Variants in CD101 observed in about 807,000 individuals in gnomAD.
The protein encoded by CD101 is immunoglobulin superfamily member 2.
Under a neutral mutation model 98.2 loss-of-function variants are expected in CD101, and 76 were observed. That is an observed-to-expected ratio of 0.77 (90% CI 0.64 to 0.94). CD101 has a LOEUF of 0.94. CD101 is among the 40% of genes least tolerant of loss of function. The pLI is 0.00. For synonymous variants in CD101, 471 were observed against 472.7 expected, an observed-to-expected ratio of 1.00 and a Z score of 0.05; for missense variants, 1,145 against 1,218.8, an observed-to-expected ratio of 0.94 and a Z score of 0.90.
rs199535778 is a variant in CD101, at chr1:117,030,407, G to C, written c.2825-3453G>C. On this transcript the variant is annotated intron_variant, in intron 8 of 9. Transcript: ENST00000682167. ...ACAAACAAACAAACAAACAAACAAAGAGAGAGAGAGAGAAAGAGACAGAGA... is the reference window on the plus strand; with the variant it reads ...ACAAACAAACAAACAAACAAACAAACAGAGAGAGAGAGAAAGAGACAGAGA... Among the ~76,000 whole-genome samples, 622 of 125,252 alleles carry C rather than the reference G, an allele frequency of 5.0e-3. 5 individuals are homozygous for C. The highest frequency in any genetic ancestry group is 0.017 in the African/African-American group (559 of 33,036). 82.2% of individuals were successfully genotyped at this position (125,252 alleles called of 152,430 possible).
rs1653450494 is a variant in CD101, at chr1:117,019,667, C to T, written c.2017+1107C>T. Among the ~76,000 whole-genome samples the T allele has an allele frequency of 6.6e-6, 1 of 152,202 alleles. No homozygotes were observed. Among genetic ancestry groups the T allele is most frequent in the Admixed American group, 6.5e-5 (1 of 15,280 alleles). On this transcript the variant is annotated intron_variant, in intron 6 of 9. Coordinates refer to ENST00000682167, the MANE Select transcript of CD101 (RefSeq NM_001256106.3). This position sits in a 1 kb window ranked among gnomAD's most constrained non-coding sequence, Gnocchi z 4.3. ...CCCATGGATACAAGCTGTATGTTCA[C>T]AACTCCCACATTCATTATCTTGACC... is the stretch of plus-strand genomic sequence containing the variant.
chr1:117,032,546 C>T (rs1654526640), intron 8 of CD101: 1 of 152,246 alleles, frequency 6.6e-6, no homozygotes, highest in Non-Finnish European at 1.5e-5. Context: ...AAACCTCTTT[C>T]ATCTCTAAGC....
intron 8 of CD101, among the ~76,000 whole-genome samples, chr1:117,030,449 GAAAGA>G (rs1654382440): frequency 6.6e-6 from 1 of 150,432 alleles, no homozygotes; most frequent in Non-Finnish European, 1.5e-5. Context: ...GAAAGAGAAA[GAAAGA>G]AAAGAAAGAA....
In CD101 at chr1:117,017,397, A is replaced by C. The variant is rs1186023609; in HGVS notation, c.1536A>C (p.Arg512Ser). ...CAGACAGTGGCACATATGAGTGCAGAGTATCTGAGAAGTCTCGGAACCAGG... is the reference window on the plus strand; with the variant it reads ...CAGACAGTGGCACATATGAGTGCAGCGTATCTGAGAAGTCTCGGAACCAGG... ...AITDSGTYECRVSEKSRNQAR... is the reference protein window; with the variant it reads ...AITDSGTYECSVSEKSRNQAR... The change falls in exon 5 of 10, where the codon AGA (arginine) becomes AGC (serine). Residue 512 changes from arginine to serine, a missense_variant. By Grantham distance (110) the Arg-to-Ser change is moderately radical (BLOSUM62 -1). Coordinates refer to ENST00000682167, the MANE Select transcript of CD101 (RefSeq NM_001256106.3). 6.2e-7 allele frequency: 1 copy of C among 1,614,126 alleles called. No individual in the cohort carries two copies. The highest frequency in any genetic ancestry group is 1.3e-5 in the African/African-American group (1 of 74,948).
At position 117,010,115 on chromosome 1, in the gene CD101, A is replaced by G; in HGVS notation, c.309A>G (p.Ser103=). The G allele has an allele frequency of 6.2e-7, 1 of 1,614,234 alleles. No individual in the cohort carries two copies. The highest frequency in any genetic ancestry group is 1.7e-5 in the Admixed American group (1 of 60,026). Residue 103 remains serine, a synonymous_variant, in exon 2 of 10, where the codon TCA becomes TCG. Coordinates refer to ENST00000682167, the MANE Select transcript of CD101 (RefSeq NM_001256106.3). This position sits in a 1 kb window ranked among gnomAD's most constrained non-coding sequence, Gnocchi z 5.2. ...ACGTGGAGAGGGTCCAGGGCAACTC[A>G]GTCTTGTTGCACATCTCAAAACTCC... ...DVYVERVQGN[S]VLLHISKLQM... is the part of the protein sequence containing the mutation.
At position 117,018,083 on chromosome 1, in the gene CD101, C is replaced by G. The variant is rs987532370; in HGVS notation, c.1613-73C>G. The G allele has an allele frequency of 7.5e-7, 1 of 1,339,058 alleles. No individual in the cohort carries two copies. The highest frequency in any genetic ancestry group is 1.5e-5 in the African/African-American group (1 of 67,594). 82.9% of individuals were successfully genotyped at this position (1,339,058 alleles called of 1,614,324 possible). A position where few individuals can be genotyped will look rare whatever the true frequency, so the allele number is the denominator to read the frequency against. ...ATGGTCCTAGTCAAAGAGGTGGCAA[C>G]TAGAAAAACTTGAAAGTGCTATATT... is the stretch of plus-strand genomic sequence containing the variant. On this transcript the variant is annotated intron_variant, in intron 5 of 9. Coordinates refer to ENST00000682167, the MANE Select transcript of CD101 (RefSeq NM_001256106.3). This position sits in a 1 kb window ranked among gnomAD's most constrained non-coding sequence, Gnocchi z 4.3.
In CD101 at chr1:117,013,742, T is replaced by G. The variant is rs1224084045; in HGVS notation, c.1178T>G (p.Leu393Arg). The stretch of plus-strand genomic sequence containing the variant: ...ACACGCACAGGTTCCTGGCAGGTGC[T>G]TCAGAGAAAGCAGTCACCAGACAGC... ...MKTRTGSWQV[L>R]QRKQSPDSHV... Residue 393 changes from leucine (L) to arginine (R), a missense_variant, in exon 4 of 10, where the codon CTT (leucine) becomes CGT (arginine). Transcript: ENST00000682167. 3 of 1,613,578 alleles carry G rather than the reference T, an allele frequency of 1.9e-6. No homozygotes were observed. The highest frequency in any genetic ancestry group is 2.5e-6 in the Non-Finnish European group (3 of 1,179,974).
chr1:117,031,927 C>T (rs1225224570), intron 8 of CD101, among the ~76,000 whole-genome samples: 5 of 152,196 alleles, frequency 3.3e-5, no homozygotes, highest in African/African-American at 1.2e-4. Flanking sequence ...AATACCTGGA[C>T]TCCATGGCTC....
rs1652821648 is a variant in CD101, at chr1:117,010,432, A to G, written c.424+202A>G. 6.6e-6 allele frequency among the ~76,000 whole-genome samples: 1 copy of G among 152,174 alleles called. No homozygotes were observed. Among genetic ancestry groups the G allele is most frequent in the African/African-American group, 2.4e-5 (1 of 41,428 alleles). On this transcript the variant is annotated intron_variant, in intron 2 of 9. Coordinates refer to ENST00000682167, the MANE Select transcript of CD101 (RefSeq NM_001256106.3). The surrounding 1 kb of genome is among the most constrained non-coding windows in gnomAD (Gnocchi z 5.2). ...AATTATCTGTTTCTTTTTCTCAATT[A>G]TCTTTGCCATAAATATTTAGATGGT...
chr1:117,024,401 C>T (rs541211452), intron 7 of CD101, among the ~76,000 whole-genome samples: 38 of 152,286 alleles, frequency 2.5e-4, no homozygotes, highest in South Asian at 1.5e-3. Flanking sequence ...CGCTTGAACC[C>T]GGGAGGCAGA....
chr1:117,013,918 G>GGTGGA (rs1198683806), intron 4 of CD101, 126 bp downstream of exon 4: 1 of 1,151,370 alleles, frequency 8.7e-7, no homozygotes, highest in Non-Finnish European at 1.2e-6. Context: ...TCACATTGGA[G>GGTGGA]GTGGAGTGGA....
chr1:117,023,597 A>G lies in CD101; in HGVS notation c.2428+1614A>G, dbSNP rs541347526. On this transcript the variant is annotated intron_variant, in intron 7 of 9. Transcript: ENST00000682167. This position sits in a 1 kb window ranked among gnomAD's most constrained non-coding sequence, Gnocchi z 4.4. Reference sequence around the variant, plus strand: ...ATGCCTGGCTAATTTTTGTAATTTTAGTAGAGACAGGGTTTTACCATGTTG... The same window carrying G: ...ATGCCTGGCTAATTTTTGTAATTTTGGTAGAGACAGGGTTTTACCATGTTG... Among the ~76,000 whole-genome samples, 13 of 152,088 alleles carry G rather than the reference A, an allele frequency of 8.5e-5. No individual in the cohort carries two copies. Among genetic ancestry groups the G allele is most frequent in the African/African-American group, 2.9e-4 (12 of 41,492 alleles).
At position 117,023,744 on chromosome 1, in the gene CD101, A is replaced by C. The variant is rs1242953239; in HGVS notation, c.2428+1761A>C. On this transcript the variant is annotated intron_variant, in intron 7 of 9. Coordinates refer to ENST00000682167, the MANE Select transcript of CD101 (RefSeq NM_001256106.3). The surrounding 1 kb of genome is among the most constrained non-coding windows in gnomAD (Gnocchi z 4.4). ...GTTCTCTTAAAATACTGCAAGTGTC[A>C]AGCAGAACATACCTGTGGGCTTGGT... Among the ~76,000 whole-genome samples the C allele has an allele frequency of 6.6e-6, 1 of 151,962 alleles. No individual in the cohort carries two copies. The highest frequency in any genetic ancestry group is 1.5e-5 in the Non-Finnish European group (1 of 67,978).
intron 9 of CD101, among the ~76,000 whole-genome samples, chr1:117,035,326 A>T (rs750039026): frequency 6.6e-6 from 1 of 152,156 alleles, no homozygotes; most frequent in Non-Finnish European, 1.5e-5. Flanking sequence ...TAATTATTTG[A>T]TCAGGCACAC....
intron 8 of CD101, among the ~76,000 whole-genome samples, chr1:117,030,840 C>G (rs1260448608): frequency 1.3e-5 from 2 of 152,216 alleles, no homozygotes; most frequent in Non-Finnish European, 2.9e-5. Flanking sequence ...TATCTCACAC[C>G]TCTTTTCTTC....
intron 1 of CD101, among the ~76,000 whole-genome samples, chr1:117,008,141 T>C (rs144275773): frequency 2.6e-3 from 397 of 152,318 alleles, no homozygotes; most frequent in African/African-American, 8.5e-3. Flanking sequence ...TCACATTAAT[T>C]TGGACTTATG....
rs1653623677 is a variant in CD101, at chr1:117,022,098, G to A, written c.2428+115G>A. 1.7e-6 allele frequency: 2 copies of A among 1,156,426 alleles called. No homozygotes were observed. The allele number at this position is 1,156,426 out of a possible 1,614,324, so 71.6% of individuals were successfully genotyped here. On this transcript the variant is annotated intron_variant, in intron 7 of 9. Coordinates refer to ENST00000682167, the MANE Select transcript of CD101 (RefSeq NM_001256106.3). This position sits in a 1 kb window ranked among gnomAD's most constrained non-coding sequence, Gnocchi z 4.8. ...GTAAAAATATGACCTAAAGTCATAG[G>A]AACAGTATCTACCTACACATGACTG...
At chr1:117,029,734 A>C (rs1427304164) in intron 8 of CD101, among the ~76,000 whole-genome samples, 2 of 152,242 alleles carry the variant, frequency 1.3e-5, no homozygotes, top group African/African-American at 4.8e-5. Flanking sequence ...ACCTATGGTC[A>C]CTTAACAGAT....
At position 117,009,279 on chromosome 1, in the gene CD101, T is replaced by G. The variant is rs971319681; in HGVS notation, c.44-571T>G. 1.2e-3 allele frequency among the ~76,000 whole-genome samples: 177 copies of G among 152,248 alleles called. 3 individuals are homozygous for G. The highest frequency in any genetic ancestry group is 2.4e-4 in the Non-Finnish European group (16 of 68,014). ...ATGACAAAACAAAACCAAAAAAACCTCCACAGAATAGAAAGGAAGTGCTGC... is the reference window on the plus strand; with the variant it reads ...ATGACAAAACAAAACCAAAAAAACCGCCACAGAATAGAAAGGAAGTGCTGC... On this transcript the variant is annotated intron_variant, in intron 1 of 9. Transcript: ENST00000682167.
Sources: gnomAD v4.1 joint callset for allele counts (sites outside exome capture counted in the v4.1 genomes callset) on GRCh38, gnomAD v4.1.1 for gene constraint, Gnocchi (gnomAD v3.1) non-coding constraint, MANE v1.5 for transcripts, NCBI Gene and HGNC (gene_info 2026-07-23, HGNC 2026-07-21) for gene names.